The following DACH2 variants were observed in gnomAD, a reference collection of about 807,000 sequenced individuals.
DACH2 encodes the protein dachshund homolog 2.
In DACH2, 17 loss-of-function variants were observed where a neutral mutation model predicts 35.8. That is an observed-to-expected ratio of 0.48 (90% CI 0.33 to 0.71). The LOEUF (loss-of-function observed/expected upper bound fraction) is 0.71. Ranked by LOEUF, DACH2 falls within the 30% of genes least tolerant of loss-of-function variation. The pLI, the probability that DACH2 is intolerant of heterozygous loss-of-function variation, is 0.02. For missense variants in DACH2, 469 were observed against 472.7 expected, an observed-to-expected ratio of 0.99 and a Z score of 0.07; for synonymous variants, 195 against 177.3, an observed-to-expected ratio of 1.10 and a Z score of -0.79.
chrX:86,344,492 TCAA>T (rs2035466797), intron 1 of DACH2, among the ~76,000 whole-genome samples: 1 of 110,469 alleles, frequency 9.1e-6, no homozygotes, highest in South Asian at 3.9e-4. Context: ...AGCCAATATA[TCAA>T]CAAGAACTAT....
intron 7 of DACH2, among the ~76,000 whole-genome samples, chrX:86,747,666 A>G (rs934691515): frequency 8.9e-6 from 1 of 112,043 alleles, no homozygotes; most frequent in Non-Finnish European, 1.9e-5. Context: ...TCGCCGAGTC[A>G]TAATCTTTTT....
chrX:86,645,485 A>T (rs1489478845), intron 3 of DACH2, among the ~76,000 whole-genome samples: 1 of 111,286 alleles, frequency 9.0e-6, no homozygotes, highest in Non-Finnish European at 1.9e-5. Context: ...TGTAGAAAGC[A>T]GTATGGGGAT....
rs894997737 is a variant in DACH2 at position 86,471,663 on chromosome X, T to C, written c.528-42616T>C. Among the ~76,000 whole-genome samples the C allele has an allele frequency of 2.7e-5, 3 of 111,267 alleles. No individual in the cohort carries two copies. In the South Asian group the frequency reaches 1.1e-3, roughly 42 times the overall value. On this transcript the variant is annotated intron_variant, in intron 2 of 11. Coordinates refer to ENST00000373125, the MANE Select transcript of DACH2 (RefSeq NM_053281.3). The stretch of plus-strand genomic sequence containing the variant: ...ATGTGTCTTTCTTGAAGAGAGACAG[T>C]TGACAGGCATCATACATTACTCTTC...
rs1008175548 is a variant in DACH2, at chrX:86,806,701, C to T, written c.1241-6155C>T. Among the ~76,000 whole-genome samples, 5 of 111,879 alleles carry T rather than the reference C, an allele frequency of 4.5e-5. No individual in the cohort carries two copies. In the East Asian group the frequency reaches 1.1e-3, roughly 25 times the overall value. On this transcript the variant is annotated intron_variant, in intron 7 of 11. Transcript: ENST00000373125. ...CACATTATGTCAGGTGTGGATTACT[C>T]CACTTGTGGCTTAATGTCTGAGCTC...
At chrX:86,278,930 G>A (rs2033970309) in intron 1 of DACH2, among the ~76,000 whole-genome samples, 1 of 112,109 alleles carries the variant, frequency 8.9e-6, no homozygotes, top group Admixed American at 9.4e-5. Context: ...CCTCCAGAAA[G>A]TTTGAAGTGG....
intron 2 of DACH2, among the ~76,000 whole-genome samples, chrX:86,496,403 G>A (rs1435794795): frequency 1.8e-5 from 2 of 110,953 alleles, no homozygotes; most frequent in Non-Finnish European, 3.8e-5. Flanking sequence ...TTATTCAATA[G>A]TGTAGGTATA....
Position 86,674,960 on chromosome X carries a change from A to G in DACH2, c.773-20061A>G. The stretch of plus-strand genomic sequence containing the variant: ...TATGCTATCTTTTAAAAATATTGGA[A>G]TTGAAAAAAACAACATGTAATATGT... On this transcript the variant is annotated intron_variant, in intron 4 of 11. Transcript: ENST00000373125. Among the ~76,000 whole-genome samples the G allele has an allele frequency of 2.7e-5, 3 of 110,834 alleles. 1 individual carries two copies. The highest frequency in any genetic ancestry group is 5.7e-5 in the Non-Finnish European group (3 of 53,054).
intron 4 of DACH2, among the ~76,000 whole-genome samples, chrX:86,673,209 C>T (rs769333055): frequency 9.2e-4 from 101 of 109,410 alleles, no homozygotes; most frequent in African/African-American, 3.0e-3. Context: ...TGGTGGTGGG[C>T]GTCTGTAGTC....
intron 1 of DACH2, chrX:86,161,418 A>G: frequency 1.6e-6 from 1 of 625,271 alleles, no homozygotes; most frequent in Non-Finnish European, 2.3e-6. Flanking sequence ...ACATGAGGCC[A>G]GTTACTGACT....
chrX:86,332,693 A>G (rs926627041), intron 1 of DACH2, among the ~76,000 whole-genome samples: 1 of 111,991 alleles, frequency 8.9e-6, no homozygotes, highest in African/African-American at 3.2e-5. Flanking sequence ...TAAAAATTAT[A>G]CCAAATTGAA....
At chrX:86,325,047 A>G (rs765718754) in intron 1 of DACH2, among the ~76,000 whole-genome samples, 2 of 111,579 alleles carry the variant, frequency 1.8e-5, no homozygotes, top group Admixed American at 1.9e-4. Flanking sequence ...TTGCAAACTG[A>G]GTAGGCTACA....
intron 4 of DACH2, among the ~76,000 whole-genome samples, chrX:86,678,997 C>T (rs1449328189): frequency 9.0e-6 from 1 of 111,662 alleles, no homozygotes; most frequent in Non-Finnish European, 1.9e-5. Flanking sequence ...CTTTTATCCT[C>T]TCCTTCTTTG....
chrX:86,365,117 C>T (rs959504087), intron 1 of DACH2, among the ~76,000 whole-genome samples: 2 of 111,236 alleles, frequency 1.8e-5, no homozygotes, highest in Admixed American at 1.9e-4. Context: ...TAACCCTCAA[C>T]GTGGATTCAG....
chrX:86,544,279 G>GA (rs2038928102), intron 3 of DACH2, among the ~76,000 whole-genome samples: 1 of 110,695 alleles, frequency 9.0e-6, no homozygotes, highest in Non-Finnish European at 1.9e-5. Flanking sequence ...TTCAAATTCA[G>GA]GAAATTGAGA....
At chrX:86,607,892 A>G (rs1203671888) in intron 3 of DACH2, among the ~76,000 whole-genome samples, 1 of 106,301 alleles carries the variant, frequency 9.4e-6, no homozygotes, top group African/African-American at 3.4e-5. Flanking sequence ...ATGATTTCCA[A>G]TTTCATCCAT....
intron 1 of DACH2, among the ~76,000 whole-genome samples, chrX:86,285,026 T>G (rs988164842): frequency 8.9e-5 from 10 of 111,779 alleles, no homozygotes; most frequent in Non-Finnish European, 1.7e-4. Context: ...TTTATTTGGA[T>G]CTTCTCTCAT....
chrX:86,237,084 G>T (rs2033071258), intron 1 of DACH2, among the ~76,000 whole-genome samples: 1 of 111,374 alleles, frequency 9.0e-6, no homozygotes, highest in African/African-American at 3.3e-5. Context: ...CTTGTTAAAA[G>T]TTAAGACACA....
In DACH2 at chrX:86,655,384, GGTGACATAGAA is replaced by G. The variant is rs1329652296; in HGVS notation, c.772+4222_772+4232del. On this transcript the variant is annotated intron_variant, in intron 4 of 11. Transcript: ENST00000373125. The stretch of plus-strand genomic sequence containing the variant: ...CATTGAATGTTTCCATCATTTATGT[GGTGACATAGAA>G]GTGAGATTTACATTATGATAAAATG... 2.7e-5 allele frequency among the ~76,000 whole-genome samples: 3 copies of G among 111,961 alleles called. No individual in the cohort carries two copies. The Admixed American group carries it at 2.8e-4, about 11-fold the overall frequency.
intron 1 of DACH2, among the ~76,000 whole-genome samples, chrX:86,234,411 C>T (rs1010987242): frequency 2.7e-5 from 3 of 111,231 alleles, no homozygotes; most frequent in Non-Finnish European, 5.7e-5. Context: ...ATACTACTCT[C>T]TACCAAAATA....
Sources: gnomAD v4.1 joint callset for allele counts (sites outside exome capture counted in the v4.1 genomes callset) on GRCh38, gnomAD v4.1.1 for gene constraint, MANE v1.5 for transcripts, NCBI Gene and HGNC (gene_info 2026-07-23, HGNC 2026-07-21) for gene names.